FRAS1: variants seen among roughly 807,000 people sequenced by gnomAD.
The protein encoded by FRAS1 is extracellular matrix organizing protein FRAS1.
FRAS1 carries 290 observed loss-of-function variants against 435.2 expected under a neutral mutation model. The ratio of observed to expected loss-of-function variants is 0.67; its 90% CI spans 0.61 to 0.73. FRAS1 has a LOEUF of 0.73. FRAS1 is among the 30% of genes least tolerant of loss of function. FRAS1 has a pLI of 0.00. For missense variants in FRAS1, 4,860 were observed against 5,001.5 expected, an observed-to-expected ratio of 0.97 and a Z score of 0.85; for synonymous variants, 1,800 against 1,851.0, an observed-to-expected ratio of 0.97 and a Z score of 0.71.
At chr4:78,323,583 TG>T (rs1729593232) in intron 18 of FRAS1, among the ~76,000 whole-genome samples, 1 of 152,172 alleles carries the variant, frequency 6.6e-6, no homozygotes, top group Non-Finnish European at 1.5e-5. Flanking sequence ...TCAATCTAGA[TG>T]AGGTCTGTAG....
chr4:78,130,040 T>C (rs905177810), intron 2 of FRAS1, among the ~76,000 whole-genome samples: 1 of 152,204 alleles, frequency 6.6e-6, no homozygotes, highest in Non-Finnish European at 1.5e-5. Context: ...GCAGCTCTGA[T>C]TGATCTTCAA....
At chr4:78,207,919 A>G (rs992168939) in intron 2 of FRAS1, among the ~76,000 whole-genome samples, 1 of 152,160 alleles carries the variant, frequency 6.6e-6, no homozygotes, top group Non-Finnish European at 1.5e-5. Context: ...TGCAGCTCCC[A>G]CTTGGACAGA....
intron 2 of FRAS1, among the ~76,000 whole-genome samples, chr4:78,174,002 C>A (rs189699839): frequency 9.4e-4 from 143 of 152,318 alleles, no homozygotes; most frequent in African/African-American, 3.1e-3. Context: ...CTGGGTGCTA[C>A]GTGACTAACT....
At chr4:78,491,553 C>T (rs1253823564) in intron 59 of FRAS1, among the ~76,000 whole-genome samples, 1 of 152,110 alleles carries the variant, frequency 6.6e-6, no homozygotes, top group African/African-American at 2.4e-5. Context: ...TGACAAAACC[C>T]ACATGATTAT....
At chr4:78,305,495 C>T (rs1259820987) in intron 14 of FRAS1, among the ~76,000 whole-genome samples, 1 of 149,654 alleles carries the variant, frequency 6.7e-6, no homozygotes, top group African/African-American at 2.5e-5. Context: ...GTGTGGGAGT[C>T]TAAGTCTCTT....
intron 2 of FRAS1, among the ~76,000 whole-genome samples, chr4:78,225,333 A>C (rs1212499841): frequency 6.6e-6 from 1 of 152,150 alleles, no homozygotes; most frequent in Non-Finnish European, 1.5e-5. Flanking sequence ...GAGTTACCTG[A>C]GTTTGCAATC....
intron 2 of FRAS1, among the ~76,000 whole-genome samples, chr4:78,182,594 G>C (rs1259041031): frequency 6.6e-6 from 1 of 152,106 alleles, no homozygotes; most frequent in African/African-American, 2.4e-5. Context: ...AATGCCCAGA[G>C]GGGCCAGGCG....
At chr4:78,298,321 CT>C (rs1338086366) in intron 14 of FRAS1, among the ~76,000 whole-genome samples, 3 of 149,794 alleles carry the variant, frequency 2.0e-5, no homozygotes, top group South Asian at 2.1e-4. Flanking sequence ...GCACACACAC[CT>C]TTTTATAGTG....
chr4:78,511,544 A>G, intron 64 of FRAS1, 38 bp downstream of exon 64: 1 of 1,413,610 alleles, frequency 7.1e-7, no homozygotes, highest in Non-Finnish European at 9.9e-7. Flanking sequence ...CATAGATTGA[A>G]GTGAATCTCA....
At chr4:78,522,074 T>G (rs1721402563) in intron 68 of FRAS1, among the ~76,000 whole-genome samples, 1 of 152,258 alleles carries the variant, frequency 6.6e-6, no homozygotes, top group African/African-American at 2.4e-5. Flanking sequence ...ATTGTTATAT[T>G]GCTTTAGTTT....
In FRAS1 at chr4:78,516,002, G is replaced by A. The variant is rs755913689; in HGVS notation, c.10378G>A (p.Ala3460Thr). 8.9e-5 allele frequency: 144 copies of A among 1,612,264 alleles called. No individual in the cohort carries two copies. Among genetic ancestry groups the A allele is most frequent in the South Asian group, 8.7e-4 (79 of 90,734 alleles). ...LIDVCGGSVT[A>T]DFQVRDSAQS... ...TGACGTCTGTGGGGGCTCTGTAACC[G>A]CTGACTTCCAGGTAGGTGCCCCGGG... Residue 3460 changes from alanine (A) to threonine (T), a missense_variant, in exon 66 of 74, where the codon GCT becomes ACT. Ala to Thr is a moderately conservative substitution (Grantham distance 58). Transcript: ENST00000512123.
chr4:78,255,383 A>G lies in FRAS1; in HGVS notation c.603+8A>G. ...CCTCTATTTTGTAACCAGGTAAGGA[A>G]GACAACCTCAGCATGCAGCCTTCAC... On this transcript the variant is annotated splice_region_variant and intron_variant, in intron 6 of 73. Transcript: ENST00000512123. 6.3e-7 allele frequency: 1 copy of G among 1,585,726 alleles called. No homozygotes were observed. Among genetic ancestry groups the G allele is most frequent in the Non-Finnish European group, 8.6e-7 (1 of 1,164,710 alleles).
chr4:78,374,965 A>G (rs1731696246), intron 25 of FRAS1, among the ~76,000 whole-genome samples: 1 of 152,208 alleles, frequency 6.6e-6, no homozygotes, highest in Admixed American at 6.5e-5. Context: ...AAGAGACTTA[A>G]AAGTGTTAAT....
At chr4:78,123,326 A>T (rs899304846) in intron 2 of FRAS1, among the ~76,000 whole-genome samples, 1 of 152,080 alleles carries the variant, frequency 6.6e-6, no homozygotes, top group Non-Finnish European at 1.5e-5. Context: ...GTTCGGATCC[A>T]TTGGTCTATG....
intron 2 of FRAS1, among the ~76,000 whole-genome samples, chr4:78,213,926 C>A (rs576701114): frequency 1.3e-5 from 2 of 152,304 alleles, no homozygotes; most frequent in East Asian, 3.9e-4. Context: ...GTGTATAATT[C>A]TTGGGTCTCA....
chr4:78,121,445 A>AC (rs1296066891), intron 2 of FRAS1, among the ~76,000 whole-genome samples: 1 of 152,214 alleles, frequency 6.6e-6, no homozygotes, highest in African/African-American at 2.4e-5. Flanking sequence ...GGGTGTTGGC[A>AC]CAGTGCTGGG....
chr4:78,388,141 C>T (rs1012016003), intron 29 of FRAS1, among the ~76,000 whole-genome samples: 10 of 151,734 alleles, frequency 6.6e-5, no homozygotes, highest in South Asian at 2.1e-4. Flanking sequence ...CTGGCTAACA[C>T]GGTGAAACCC....
At chr4:78,533,290 A>G (rs751377882) in intron 70 of FRAS1, among the ~76,000 whole-genome samples, 28 of 152,248 alleles carry the variant, frequency 1.8e-4, no homozygotes, top group Non-Finnish European at 3.8e-4. Context: ...TCCTATTACT[A>G]GAATGATGTC....
intron 2 of FRAS1, among the ~76,000 whole-genome samples, chr4:78,122,179 A>C (rs1719069854): frequency 6.6e-6 from 1 of 151,142 alleles, no homozygotes; most frequent in Non-Finnish European, 1.5e-5. Context: ...CCCTGTGTCC[A>C]TGTGTTCTTA....
Sources: allele counts gnomAD v4.1 joint callset (sites outside exome capture counted in the v4.1 genomes callset), GRCh38; gene constraint gnomAD v4.1.1; transcripts MANE v1.5; gene names NCBI Gene and HGNC (gene_info 2026-07-23, HGNC 2026-07-21).